KIAA1671: variants seen among roughly 807,000 people sequenced by gnomAD.
KIAA1671 encodes the protein uncharacterized protein KIAA1671.
KIAA1671 carries 52 observed loss-of-function variants against 131.2 expected under a neutral mutation model. That is an observed-to-expected ratio of 0.40 (90% CI 0.32 to 0.50). The LOEUF is 0.50. Among genes scored for constraint, KIAA1671 ranks in the 20% least tolerant of loss-of-function variants. KIAA1671 has a pLI of 0.73. For missense variants in KIAA1671, 2,360 were observed against 2,364.2 expected (o/e 1.00, Z 0.04); for synonymous variants, 1,003 against 961.6 (o/e 1.04, Z -0.80).
chr22:25,082,738 C>A (rs921339326), intron 6 of KIAA1671, among the ~76,000 whole-genome samples: 1 of 152,020 alleles, frequency 6.6e-6, no homozygotes, highest in Non-Finnish European at 1.5e-5. Context: ...AGAGGCTAGG[C>A]AGGAGGATCA....
chr22:25,065,483 G>A (rs1194115942), intron 6 of KIAA1671, among the ~76,000 whole-genome samples: 1 of 152,066 alleles, frequency 6.6e-6, no homozygotes, highest in Non-Finnish European at 1.5e-5. Flanking sequence ...CTTGCTACAT[G>A]CGAGTCTTCT....
chr22:25,029,517 G>T lies in KIAA1671; in HGVS notation c.1518G>T (p.Pro506=), dbSNP rs890428987. Residue 506 remains proline, a synonymous_variant, in exon 3 of 13, where the codon CCG becomes CCT. Coordinates refer to ENST00000358431, the MANE Select transcript of KIAA1671 (RefSeq NM_001145206.2). ...GGAGGAGGACGTTCCAGGCTCGGCCGCTGTCGGCGGATTTGACCAAATTGT... is the reference window on the plus strand; with the variant it reads ...GGAGGAGGACGTTCCAGGCTCGGCCTCTGTCGGCGGATTTGACCAAATTGT... ...EVRRRTFQAR[P]LSADLTKLFS... 5.8e-6 allele frequency: 9 copies of T among 1,544,814 alleles called. No homozygotes were observed. Among genetic ancestry groups the T allele is most frequent in the African/African-American group, 1.4e-5 (1 of 72,840 alleles).
At chr22:24,956,522 T>G (rs1380983919) in intron 1 of KIAA1671, among the ~76,000 whole-genome samples, 1 of 152,048 alleles carries the variant, frequency 6.6e-6, no homozygotes, top group Non-Finnish European at 1.5e-5. Context: ...TTCAGTTGGG[T>G]GTGGAAGGGA....
chr22:25,185,382 G>A (rs1934442320), intron 11 of KIAA1671: 1 of 429,456 alleles, frequency 2.3e-6, no homozygotes, highest in Non-Finnish European at 4.1e-6. Context: ...GGAACGCCAG[G>A]GCACCATTGC....
intron 6 of KIAA1671, among the ~76,000 whole-genome samples, chr22:25,083,365 G>A (rs1056201487): frequency 1.4e-4 from 21 of 152,112 alleles, no homozygotes; most frequent in African/African-American, 4.8e-4. Flanking sequence ...CAACTTTACA[G>A]GCCCTATTTT....
rs534828803 is a variant in KIAA1671 at position 25,125,644 on chromosome 22, T to G, written c.4531-45176T>G. On this transcript the variant is annotated intron_variant, in intron 6 of 12. Transcript: ENST00000358431. ...GGGCACTGTAGGATGCTGAGCAGCA[T>G]CCCCGGCCTCTGCCCACTAGATGCC... is the stretch of plus-strand genomic sequence containing the variant. 2.0e-5 allele frequency among the ~76,000 whole-genome samples: 3 copies of G among 152,298 alleles called. No homozygotes were observed. In the South Asian group the frequency reaches 6.2e-4, roughly 32 times the overall value.
At chr22:25,037,272 G>A (rs916159421) in intron 4 of KIAA1671, among the ~76,000 whole-genome samples, 7 of 152,124 alleles carry the variant, frequency 4.6e-5, no homozygotes, top group Non-Finnish European at 8.8e-5. Context: ...GCAGTGAGCC[G>A]AGATCGTGCC....
rs940128996 is a variant in KIAA1671 at position 25,174,352 on chromosome 22, T to C, written c.4762T>C (p.Tyr1588His). The change falls in exon 8 of 13, where the codon TAT (tyrosine) becomes CAT (histidine). Residue 1588 changes from tyrosine to histidine, a missense_variant. Coordinates refer to ENST00000358431, the MANE Select transcript of KIAA1671 (RefSeq NM_001145206.2). ...QTEPTSAGDQ[Y>H]DCSRDQRSTS... The stretch of plus-strand genomic sequence containing the variant: ...GGAGCCCACCTCGGCAGGGGACCAG[T>C]ATGACTGCTCCAGGGACCAGCGGAG... 115 of 1,551,902 alleles carry C rather than the reference T, an allele frequency of 7.4e-5. No homozygotes were observed. Among genetic ancestry groups the C allele is most frequent in the Non-Finnish European group, 9.4e-5 (108 of 1,147,090 alleles).
intron 6 of KIAA1671, among the ~76,000 whole-genome samples, chr22:25,067,522 C>T (rs1021057775): frequency 6.6e-6 from 1 of 151,990 alleles, no homozygotes; most frequent in Non-Finnish European, 1.5e-5. Flanking sequence ...TCTTTTTCTC[C>T]TTTCACCCTC....
intron 5 of KIAA1671, 88 bp from the exon 6 acceptor site, chr22:25,049,142 G>T: frequency 6.9e-7 from 1 of 1,449,780 alleles, no homozygotes; most frequent in Non-Finnish European, 9.3e-7. Flanking sequence ...GCCCTTTTTG[G>T]TACAGAATGG....
chr22:25,004,994 CACTA>C lies in KIAA1671; in HGVS notation c.-207-20635_-207-20632del, dbSNP rs1207047420. 3.3e-5 allele frequency among the ~76,000 whole-genome samples: 5 copies of C among 151,422 alleles called. No individual in the cohort carries two copies. In the East Asian group the frequency reaches 9.8e-4, roughly 30 times the overall value. On this transcript the variant is annotated intron_variant, in intron 1 of 12. Transcript: ENST00000358431. ...AGATTTGATTGTACTCATTAAAACT[CACTA>C]ACTGTCAATCAGTGAATCCTGAATG...
intron 6 of KIAA1671, among the ~76,000 whole-genome samples, chr22:25,158,117 A>T (rs2145989386): frequency 6.6e-6 from 1 of 152,350 alleles, no homozygotes; most frequent in Non-Finnish European, 1.5e-5. Flanking sequence ...CACCATGCCC[A>T]GCCCACATAG....
chr22:25,054,219 C>G (rs1373341546), intron 6 of KIAA1671: 7 of 148,602 alleles, frequency 4.7e-5, no homozygotes, highest in African/African-American at 7.4e-5. Flanking sequence ...CCACTGCACT[C>G]CAGCGTGGGT....
intron 9 of KIAA1671, chr22:25,179,411 G>A (rs527964449): frequency 3.7e-6 from 6 of 1,612,492 alleles, no homozygotes; most frequent in Middle Eastern, 1.7e-4. Context: ...GCGCCTCGCG[G>A]ATCTCCTTGC....
rs1924247147 is a variant in KIAA1671 at position 24,998,277 on chromosome 22, G to A, written c.-207-27356G>A. 2.0e-5 allele frequency among the ~76,000 whole-genome samples: 3 copies of A among 152,204 alleles called. No individual in the cohort carries two copies. In the South Asian group the frequency reaches 6.2e-4, roughly 32 times the overall value. The stretch of plus-strand genomic sequence containing the variant: ...CAACAACAAAAAATTAGACGGGCAT[G>A]GCAGCGGAGGCCTGTAGATCCGGCT... On this transcript the variant is annotated intron_variant, in intron 1 of 12. Coordinates refer to ENST00000358431, the MANE Select transcript of KIAA1671 (RefSeq NM_001145206.2).
chr22:25,101,669 T>A (rs961763164), intron 6 of KIAA1671, among the ~76,000 whole-genome samples: 2 of 152,198 alleles, frequency 1.3e-5, no homozygotes, highest in East Asian at 3.8e-4. Flanking sequence ...TTTTCTTTTA[T>A]CTGAATTCCT....
At chr22:25,029,601 G>A (rs1602080383) in intron 3 of KIAA1671, 61 bp downstream of exon 3, 16 of 1,257,190 alleles carry the variant, frequency 1.3e-5, no homozygotes, top group South Asian at 1.1e-4. Flanking sequence ...TGAGGAAGAC[G>A]GAACCAGGCT....
At chr22:25,170,355 C>T (rs1384129441) in intron 6 of KIAA1671, among the ~76,000 whole-genome samples, 1 of 152,174 alleles carries the variant, frequency 6.6e-6, no homozygotes, top group Non-Finnish European at 1.5e-5. Flanking sequence ...GTCCCAAGTT[C>T]GGTGCTCCAT....
chr22:25,084,576 G>T (rs1223668148), intron 6 of KIAA1671, among the ~76,000 whole-genome samples: 1 of 152,120 alleles, frequency 6.6e-6, no homozygotes, highest in Non-Finnish European at 1.5e-5. Flanking sequence ...AATGCCTCCA[G>T]GCCAGTTATC....
Sources: gnomAD v4.1 joint callset for allele counts (sites outside exome capture counted in the v4.1 genomes callset) on GRCh38, gnomAD v4.1.1 for gene constraint, MANE v1.5 for transcripts, NCBI Gene and HGNC (gene_info 2026-07-23, HGNC 2026-07-21) for gene names.